PTGFRN: variants seen among roughly 807,000 people sequenced by gnomAD.
PTGFRN encodes prostaglandin F2 receptor negative regulator.
A neutral mutation model predicts 83.2 loss-of-function variants in PTGFRN; 35 were observed. That is an observed-to-expected ratio of 0.42 (90% CI 0.32 to 0.56). The LOEUF is 0.56. Ranked by LOEUF, PTGFRN falls within the 20% of genes least tolerant of loss-of-function variation. The pLI, the probability that PTGFRN is intolerant of heterozygous loss-of-function variation, is 0.11. For missense variants in PTGFRN, 1,051 were observed against 1,179.5 expected (o/e 0.89, Z 1.60); for synonymous variants, 519 against 498.6 (o/e 1.04, Z -0.55).
rs1472011919 is a variant in PTGFRN at position 116,941,146 on chromosome 1, A to C, written c.50-569A>C. Among the ~76,000 whole-genome samples, 1 of 152,224 alleles carries C rather than the reference A, an allele frequency of 6.6e-6. No individual in the cohort carries two copies. Among genetic ancestry groups the C allele is most frequent in the African/African-American group, 2.4e-5 (1 of 41,460 alleles). ...GAAGGAAATGAGCCAGAAAATAGAA[A>C]ATTAATACTTGGTAAAATCATCATA... is the stretch of plus-strand genomic sequence containing the variant. On this transcript the variant is annotated intron_variant, in intron 1 of 8. Coordinates refer to ENST00000393203, the MANE Select transcript of PTGFRN (RefSeq NM_020440.4). The surrounding 1 kb of genome is among the most constrained non-coding windows in gnomAD (Gnocchi z 5.0).
intron 1 of PTGFRN, among the ~76,000 whole-genome samples, chr1:116,929,617 C>T (rs760087063): frequency 7.9e-5 from 12 of 152,180 alleles, no homozygotes; most frequent in Admixed American, 3.3e-4. Flanking sequence ...ACTGTCTCTT[C>T]GTCATTCTGG....
intron 5 of PTGFRN, 106 bp from the exon 6 acceptor site, chr1:116,966,805 G>T: frequency 8.0e-7 from 1 of 1,246,894 alleles, no homozygotes; most frequent in Non-Finnish European, 1.1e-6. Flanking sequence ...GCTTTTGTGT[G>T]GCAATTTGCA....
chr1:116,929,160 A>C (rs1649730906), intron 1 of PTGFRN, among the ~76,000 whole-genome samples: 1 of 152,236 alleles, frequency 6.6e-6, no homozygotes, highest in African/African-American at 2.4e-5. Context: ...TCAAGCCAGA[A>C]GCCTAGATCA....
At chr1:116,914,988 G>C (rs369973672) in intron 1 of PTGFRN, among the ~76,000 whole-genome samples, 9 of 152,278 alleles carry the variant, frequency 5.9e-5, no homozygotes, top group Admixed American at 1.3e-4. Flanking sequence ...AATACTTTGA[G>C]AAAGTCACTA....
At chr1:116,973,604 CAAA>C (rs547665093) in intron 6 of PTGFRN, among the ~76,000 whole-genome samples, 48 of 107,114 alleles carry the variant, frequency 4.5e-4, no homozygotes, top group Admixed American at 5.4e-4. Flanking sequence ...GACTCAATCT[CAAA>C]AAAAAAAAAA....
chr1:116,973,571 CT>C (rs1651062868), intron 6 of PTGFRN, among the ~76,000 whole-genome samples: 1 of 148,794 alleles, frequency 6.7e-6, no homozygotes, highest in Non-Finnish European at 1.5e-5. Context: ...CACTACTGCA[CT>C]CCAGCCTGCG....
intron 1 of PTGFRN, among the ~76,000 whole-genome samples, chr1:116,931,133 C>T (rs145590287): frequency 6.6e-6 from 1 of 152,300 alleles, no homozygotes; most frequent in East Asian, 1.9e-4. Flanking sequence ...AGCACTGATA[C>T]GTTGCTCAGA....
intron 4 of PTGFRN, among the ~76,000 whole-genome samples, chr1:116,954,311 A>G (rs1650428957): frequency 6.6e-6 from 1 of 151,904 alleles, no homozygotes; most frequent in South Asian, 2.1e-4. Context: ...CCCAACAACA[A>G]TAGCTCCTTA....
intron 3 of PTGFRN, among the ~76,000 whole-genome samples, chr1:116,945,698 C>G (rs1650182874): frequency 6.6e-6 from 1 of 150,578 alleles, no homozygotes; most frequent in Non-Finnish European, 1.5e-5. Flanking sequence ...GCATCCAGTC[C>G]TGGGGTCTGT....
At chr1:116,943,082 A>G (rs1452138074) in intron 2 of PTGFRN, among the ~76,000 whole-genome samples, 2 of 152,200 alleles carry the variant, frequency 1.3e-5, no homozygotes, top group African/African-American at 4.8e-5. Context: ...GAATGTATGT[A>G]ATTATCAGAA....
chr1:116,971,364 T>C (rs1419034634), intron 6 of PTGFRN, among the ~76,000 whole-genome samples: 1 of 152,224 alleles, frequency 6.6e-6, no homozygotes, highest in Non-Finnish European at 1.5e-5. Context: ...CAGCTTTTTT[T>C]AGAGGCCAAG....
At position 116,987,227 on chromosome 1, in the gene PTGFRN, CCTT is replaced by C; in HGVS notation, c.*262_*264del. On this transcript the variant is annotated 3_prime_UTR_variant, in exon 9 of 9. Transcript: ENST00000393203. ...CCAACTGCAGCTTTTTAATGGTTAA[CCTT>C]CATCTAATTTTTTTTCTCCCACTGG... The C allele has an allele frequency of 2.4e-6, 1 of 410,758 alleles. No homozygotes were observed. Among genetic ancestry groups the C allele is most frequent in the South Asian group, 3.0e-5 (1 of 33,782 alleles). The allele number at this position is 410,758 out of a possible 1,614,324, so 25.4% of individuals were successfully genotyped here.
intron 4 of PTGFRN, among the ~76,000 whole-genome samples, 173 bp downstream of exon 4, chr1:116,949,745 G>A (rs1419922801): frequency 6.6e-6 from 1 of 152,210 alleles, no homozygotes; most frequent in East Asian, 1.9e-4. Flanking sequence ...ATAGAATCTG[G>A]CAGACAAGGG....
In PTGFRN at chr1:116,910,112, C is replaced by T; in HGVS notation, c.-92C>T. The stretch of plus-strand genomic sequence containing the variant: ...GGCGCGCGGCCCAGGCGGAGGAGCG[C>T]CGACTCTGGAGCAGCCGGAGCTGGA... On this transcript the variant is annotated 5_prime_UTR_variant, in exon 1 of 9. Transcript: ENST00000393203. The T allele has an allele frequency of 7.2e-7, 1 of 1,394,112 alleles. No homozygotes were observed. The highest frequency in any genetic ancestry group is 9.7e-7 in the Non-Finnish European group (1 of 1,027,808). 86.4% of individuals were successfully genotyped at this position (1,394,112 alleles called of 1,614,324 possible). A position where few individuals can be genotyped will look rare whatever the true frequency, so the allele number is the denominator to read the frequency against.
rs1570645693 is a variant in PTGFRN, at chr1:116,923,103, G to A, written c.49+12851G>A. ...TGTGATGATCTGTTTATTAGGATGA[G>A]CATTTGTGTGTCTCACCCAACCGTA... On this transcript the variant is annotated intron_variant, in intron 1 of 8. Coordinates refer to ENST00000393203, the MANE Select transcript of PTGFRN (RefSeq NM_020440.4). The surrounding 1 kb of genome is among the most constrained non-coding windows in gnomAD (Gnocchi z 4.0). Among the ~76,000 whole-genome samples the A allele has an allele frequency of 6.6e-6, 1 of 152,174 alleles. No homozygotes were observed. The highest frequency in any genetic ancestry group is 2.4e-5 in the African/African-American group (1 of 41,444).
intron 6 of PTGFRN, among the ~76,000 whole-genome samples, chr1:116,973,351 C>T (rs984196479): frequency 2.6e-5 from 4 of 152,114 alleles, no homozygotes; most frequent in African/African-American, 9.7e-5. Context: ...GCATATCCAC[C>T]TGTAATCTCA....
intron 1 of PTGFRN, among the ~76,000 whole-genome samples, chr1:116,934,528 T>TC (rs368647183): frequency 3.9e-5 from 6 of 152,210 alleles, no homozygotes; most frequent in African/African-American, 1.4e-4. Context: ...ATTTTTTTTT[T>TC]TAGTTCTAAA....
chr1:116,984,764 G>A lies in PTGFRN; in HGVS notation c.2252G>A (p.Arg751Gln), dbSNP rs753165242. 1.3e-5 allele frequency: 21 copies of A among 1,613,978 alleles called. No individual in the cohort carries two copies. The highest frequency in any genetic ancestry group is 1.2e-4 in the African/African-American group (9 of 74,910). Residue 751 changes from arginine to glutamine, a missense_variant, in exon 8 of 9, where the codon CGG (arginine) becomes CAG (glutamine). Arg to Gln is a conservative substitution (Grantham distance 43, BLOSUM62 1). Coordinates refer to ENST00000393203, the MANE Select transcript of PTGFRN (RefSeq NM_020440.4). ...CCTGTGCTCCTGTCTTCCCTGGATCGGAAGGGCATCGTGACCACCTCCCGG... is the reference window on the plus strand; with the variant it reads ...CCTGTGCTCCTGTCTTCCCTGGATCAGAAGGGCATCGTGACCACCTCCCGG... The part of the protein sequence containing the change: ...KAPVLLSSLD[R>Q]KGIVTTSRRD...
chr1:116,917,433 G>T (rs1649431627), intron 1 of PTGFRN, among the ~76,000 whole-genome samples: 1 of 152,146 alleles, frequency 6.6e-6, no homozygotes, highest in South Asian at 2.1e-4. Flanking sequence ...AGGTGGCACA[G>T]GGGGGTTGGG....
Sources: allele counts gnomAD v4.1 joint callset (sites outside exome capture counted in the v4.1 genomes callset), GRCh38; gene constraint gnomAD v4.1.1; non-coding constraint Gnocchi (gnomAD v3.1); transcripts MANE v1.5; gene names NCBI Gene and HGNC (gene_info 2026-07-23, HGNC 2026-07-21).